Variants in SLC30A8 observed in about 807,000 individuals in gnomAD.
The protein encoded by SLC30A8 is solute carrier family 30 member 8.
SLC30A8 carries 27 observed loss-of-function variants against 36.9 expected under a neutral mutation model. The ratio of observed to expected loss-of-function variants is 0.73; its 90% CI spans 0.54 to 1.01. SLC30A8 has a LOEUF of 1.01. Ranked by LOEUF, SLC30A8 falls within the 50% of genes least tolerant of loss-of-function variation. The probability of loss-of-function intolerance (pLI) is 0.00; values close to 1 mark genes in which losing one functional copy is unlikely to be tolerated. For missense variants in SLC30A8, 439 were observed against 452.0 expected (o/e 0.97, Z 0.26); for synonymous variants, 164 against 172.4 (o/e 0.95, Z 0.38).
intron 2 of SLC30A8, among the ~76,000 whole-genome samples, chr8:117,095,327 GTAA>G (rs1396093086): frequency 6.6e-6 from 1 of 152,060 alleles, no homozygotes; most frequent in Non-Finnish European, 1.5e-5. Flanking sequence ...TTACTAGTTA[GTAA>G]TAATAGTAAC....
chr8:116,950,710 A>G (rs376425762), upstream of SLC30A8: 25 of 152,334 alleles, frequency 1.6e-4, no homozygotes, highest in African/African-American at 6.0e-4. Flanking sequence ...TGCAGGATTC[A>G]GTCTGGGACT....
intron 1 of SLC30A8, among the ~76,000 whole-genome samples, chr8:116,951,574 C>T (rs1247130903): frequency 5.9e-5 from 9 of 151,926 alleles, no homozygotes; most frequent in Admixed American, 5.9e-4. Context: ...ATCGTAATAC[C>T]TTATTGAATT....
chr8:116,993,657 C>T, intron 1 of SLC30A8, among the ~76,000 whole-genome samples: 1 of 151,478 alleles, frequency 6.6e-6, no homozygotes, highest in East Asian at 1.9e-4. Context: ...CCAGAATCTA[C>T]AAAAAAGAAT....
At chr8:116,963,386 A>G (rs1484787996) in intron 1 of SLC30A8, among the ~76,000 whole-genome samples, 3 of 152,112 alleles carry the variant, frequency 2.0e-5, no homozygotes, top group Non-Finnish European at 4.4e-5. Context: ...CTAGTTCCAG[A>G]ACATTTTCAT....
intron 1 of SLC30A8, among the ~76,000 whole-genome samples, chr8:116,987,852 C>T (rs552072650): frequency 1.4e-4 from 21 of 152,194 alleles, no homozygotes; most frequent in South Asian, 4.1e-4. Flanking sequence ...CGTGCCACCA[C>T]GGCTGGCTAA....
intron 1 of SLC30A8, among the ~76,000 whole-genome samples, chr8:116,988,602 A>G (rs916342717): frequency 3.3e-5 from 5 of 152,192 alleles, no homozygotes; most frequent in Non-Finnish European, 5.9e-5. Flanking sequence ...AATCCTTTTT[A>G]GATGATTTTC....
chr8:116,955,454 G>C (rs59624781), intron 1 of SLC30A8, among the ~76,000 whole-genome samples: 1 of 152,092 alleles, frequency 6.6e-6, no homozygotes, highest in Non-Finnish European at 1.5e-5. Flanking sequence ...GTTTGGCCGG[G>C]TGCGGTGGCT....
chr8:117,140,641 T>C (rs1821611113), intron 1 of SLC30A8, among the ~76,000 whole-genome samples: 1 of 152,066 alleles, frequency 6.6e-6, no homozygotes, highest in Non-Finnish European at 1.5e-5. Flanking sequence ...CCAATAATCT[T>C]ACATCTACCT....
chr8:117,001,046 G>T (rs1815992610), intron 1 of SLC30A8, among the ~76,000 whole-genome samples: 1 of 151,984 alleles, frequency 6.6e-6, no homozygotes, highest in Admixed American at 6.6e-5. Context: ...TATGTGGTTT[G>T]TATGAGAGTA....
At chr8:116,991,922 G>T (rs1204888338) in intron 1 of SLC30A8, among the ~76,000 whole-genome samples, 2 of 152,166 alleles carry the variant, frequency 1.3e-5, no homozygotes, top group African/African-American at 4.8e-5. Flanking sequence ...ATTTAATTTT[G>T]CAGTGTCTTG....
At chr8:117,030,153 C>T (rs1005166815) in intron 1 of SLC30A8, among the ~76,000 whole-genome samples, 20 of 151,148 alleles carry the variant, frequency 1.3e-4, no homozygotes, top group African/African-American at 4.6e-4. Flanking sequence ...TATCAGGGGA[C>T]ATGTAGCTAT....
chr8:117,157,520 A>T lies in SLC30A8; in HGVS notation c.419-171A>T, dbSNP rs6996470. 0.11 allele frequency among the ~76,000 whole-genome samples: 17,074 copies of T among 152,212 alleles called. 1,718 individuals are homozygous for T. The highest frequency in any genetic ancestry group is 0.27 in the African/African-American group (11,288 of 41,498). On this transcript the variant is annotated intron_variant, in intron 3 of 7. Transcript: ENST00000456015. ...TGTTTTATGAATGCAACATTAAAAT[A>T]CTTTCTCTTAGTTTTAAAATCCATC...
chr8:117,065,425 T>C (rs1488817710), intron 2 of SLC30A8, among the ~76,000 whole-genome samples: 2 of 152,154 alleles, frequency 1.3e-5, no homozygotes, highest in Non-Finnish European at 2.9e-5. Context: ...ATCAAAGAAA[T>C]GAATGAATAT....
chr8:116,966,719 C>T (rs914420063), intron 1 of SLC30A8, among the ~76,000 whole-genome samples: 3 of 152,130 alleles, frequency 2.0e-5, no homozygotes, highest in Non-Finnish European at 4.4e-5. Context: ...TCCTAGCTGA[C>T]ATCAGATTCT....
chr8:117,126,340 T>C (rs1276193576), intron 2 of SLC30A8, among the ~76,000 whole-genome samples: 1 of 152,042 alleles, frequency 6.6e-6, no homozygotes, highest in Non-Finnish European at 1.5e-5. Context: ...AATTACTTCA[T>C]TTAATTTTTA....
Position 117,176,260 on chromosome 8 carries a change from C to T in SLC30A8, c.*3579C>T, listed in dbSNP as rs995443922. ...CCCAGGCATATACATTTTATAGATT[C>T]CTGGAGAATGTTGCTCTCCAGCTCC... is the stretch of plus-strand genomic sequence containing the variant. On this transcript the variant is annotated 3_prime_UTR_variant, in exon 8 of 8. Transcript: ENST00000456015. The T allele has an allele frequency of 1.3e-5, 2 of 152,410 alleles. No individual in the cohort carries two copies. Among genetic ancestry groups the T allele is most frequent in the Non-Finnish European group, 2.9e-5 (2 of 67,966 alleles). The allele number at this position is 152,410 out of a possible 1,614,324, so 9.4% of individuals were successfully genotyped here.
chr8:117,164,283 G>A (rs1308821460), intron 6 of SLC30A8: 3 of 152,154 alleles, frequency 2.0e-5, no homozygotes, highest in African/African-American at 4.8e-5. Context: ...AATAAAATAT[G>A]GGCTGGGCAC....
intron 1 of SLC30A8, among the ~76,000 whole-genome samples, chr8:116,970,480 C>G (rs1814755073): frequency 6.6e-6 from 1 of 152,190 alleles, no homozygotes; most frequent in South Asian, 2.1e-4. Context: ...GAATTATGGA[C>G]TGTACATAAT....
intron 2 of SLC30A8, among the ~76,000 whole-genome samples, chr8:117,127,949 G>A (rs374898707): frequency 2.6e-5 from 4 of 152,010 alleles, no homozygotes; most frequent in African/African-American, 9.7e-5. Context: ...CTTTTCAAAG[G>A]CAATTCTCTC....
Sources: gnomAD v4.1 joint callset for allele counts (sites outside exome capture counted in the v4.1 genomes callset) on GRCh38, gnomAD v4.1.1 for gene constraint, MANE v1.5 for transcripts, NCBI Gene and HGNC (gene_info 2026-07-23, HGNC 2026-07-21) for gene names.